The following CASZ1 variants were observed in gnomAD, a reference collection of about 807,000 sequenced individuals.
CASZ1 encodes the protein zinc finger protein castor homolog 1.
In CASZ1, 28 loss-of-function variants were observed where a neutral mutation model predicts 135.2. The ratio of observed to expected loss-of-function variants is 0.21; its 90% confidence interval spans 0.15 to 0.28. The LOEUF is 0.28. CASZ1 is among the 10% of genes least tolerant of loss of function. The probability of loss-of-function intolerance (pLI) is 1.00; values close to 1 mark genes in which losing one functional copy is unlikely to be tolerated. For synonymous variants in CASZ1, 1,068 were observed against 1,073.4 expected, an observed-to-expected ratio of 0.99 and a Z score of 0.10; for missense variants, 2,161 against 2,453.3, an observed-to-expected ratio of 0.88 and a Z score of 2.52.
intron 7 of CASZ1, 59 bp downstream of exon 7, chr1:10,658,449 C>A: frequency 7.0e-7 from 1 of 1,422,324 alleles, no homozygotes; most frequent in Non-Finnish European, 9.9e-7. Context: ...CCTCAGAGTG[C>A]CCGGTCAGTC....
chr1:10,645,229 CAT>C (rs1557458816), intron 17 of CASZ1, 141 bp from the exon 18 acceptor site: 1 of 765,970 alleles, frequency 1.3e-6, no homozygotes, highest in Non-Finnish European at 2.1e-6. Flanking sequence ...ACACCTTTCA[CAT>C]GTTAAAAAGC....
intron 2 of CASZ1, among the ~76,000 whole-genome samples, chr1:10,716,634 C>T (rs1024164533): frequency 6.6e-5 from 10 of 152,122 alleles, no homozygotes; most frequent in Non-Finnish European, 1.2e-4. Context: ...GAAGAACAGG[C>T]GGAAGTGGCA....
chr1:10,662,062 AAC>A (rs142574459), intron 5 of CASZ1, among the ~76,000 whole-genome samples: 1 of 150,890 alleles, frequency 6.6e-6, no homozygotes, highest in South Asian at 2.1e-4. Flanking sequence ...AATCACCTAT[AAC>A]ACACACGCAT....
At chr1:10,714,399 A>T (rs1006339770) in intron 2 of CASZ1, among the ~76,000 whole-genome samples, 21 of 152,234 alleles carry the variant, frequency 1.4e-4, no homozygotes, top group Admixed American at 8.5e-4. Context: ...CACAGCTAGG[A>T]TGAGGCACAG....
chr1:10,762,657 G>A lies in CASZ1; in HGVS notation c.-233-1800C>T, dbSNP rs564768398. On this transcript the variant is annotated intron_variant, in intron 1 of 20. Transcript: ENST00000377022. The surrounding 1 kb of genome is among the most constrained non-coding windows in gnomAD (Gnocchi z 4.1). ...CTCCACTCCAATATCCCATCAGAACGAACCCACCTAAAAGCCAGCATCTTA... is the reference window on the plus strand; with the variant it reads ...CTCCACTCCAATATCCCATCAGAACAAACCCACCTAAAAGCCAGCATCTTA... Among the ~76,000 whole-genome samples, 2 of 152,104 alleles carry A rather than the reference G, an allele frequency of 1.3e-5. No homozygotes were observed. The highest frequency in any genetic ancestry group is 4.8e-5 in the African/African-American group (2 of 41,428).
At chr1:10,682,085 G>A (rs1638442010) in intron 4 of CASZ1, among the ~76,000 whole-genome samples, 1 of 152,212 alleles carries the variant, frequency 6.6e-6, no homozygotes, top group East Asian at 1.9e-4. Context: ...TTGAAAAAAA[G>A]ATGGGGGAAA....
chr1:10,756,136 C>T lies in CASZ1; in HGVS notation c.-77+4565G>A, dbSNP rs77674854. Among the ~76,000 whole-genome samples, 3,033 of 152,190 alleles carry T rather than the reference C, an allele frequency of 0.02. 104 individuals are homozygous for T. Among genetic ancestry groups the T allele is most frequent in the African/African-American group, 0.07 (2,912 of 41,492 alleles). ...CACGCCCCTCGGAGCCAGGCAGAGG[C>T]ACCAGCTGTAGGCCTGGGAGAGCCC... On this transcript the variant is annotated intron_variant, in intron 2 of 20. Transcript: ENST00000377022. The surrounding 1 kb of genome is among the most constrained non-coding windows in gnomAD (Gnocchi z 5.9).
rs996618611 is a variant in CASZ1, at chr1:10,776,529, G to A, written c.-233-15672C>T. On this transcript the variant is annotated intron_variant, in intron 1 of 20. Transcript: ENST00000377022. This position sits in a 1 kb window ranked among gnomAD's most constrained non-coding sequence, Gnocchi z 4.1. Reference sequence around the variant, plus strand: ...AGTTCACACCAGAGGGCTCTGACACGAGACACATCCAGACAGGCAGTGATC... The same window carrying A: ...AGTTCACACCAGAGGGCTCTGACACAAGACACATCCAGACAGGCAGTGATC... Among the ~76,000 whole-genome samples the A allele has an allele frequency of 2.2e-4, 34 of 152,230 alleles. No homozygotes were observed. The highest frequency in any genetic ancestry group is 6.5e-5 in the Admixed American group (1 of 15,290).
intron 3 of CASZ1, among the ~76,000 whole-genome samples, chr1:10,703,442 C>T (rs1639105402): frequency 6.6e-6 from 1 of 152,108 alleles, no homozygotes; most frequent in East Asian, 1.9e-4. Flanking sequence ...CAGCAGCTCC[C>T]GATAACTCAA....
At chr1:10,733,221 C>T (rs1160594862) in intron 2 of CASZ1, among the ~76,000 whole-genome samples, 1 of 152,208 alleles carries the variant, frequency 6.6e-6, no homozygotes, top group Non-Finnish European at 1.5e-5. Flanking sequence ...TGTGTGTTTT[C>T]ATTTCACACC....
In CASZ1 at chr1:10,653,066, G is replaced by A. The variant is rs923197447; in HGVS notation, c.2680+311C>T. 1.4e-5 allele frequency: 6 copies of A among 419,914 alleles called. No individual in the cohort carries two copies. In the Admixed American group the frequency reaches 2.2e-4, roughly 16 times the overall value. 26.0% of individuals were successfully genotyped at this position (419,914 alleles called of 1,614,324 possible). On this transcript the variant is annotated intron_variant, in intron 11 of 20. Coordinates refer to ENST00000377022, the MANE Select transcript of CASZ1 (RefSeq NM_001079843.3). ...GTGGACTTGGGATGTGGGAGGGTGA[G>A]CAGACAGGGAGGGGGGACCTGCAGT...
intron 2 of CASZ1, among the ~76,000 whole-genome samples, chr1:10,743,563 C>T (rs1475778786): frequency 2.0e-5 from 3 of 150,102 alleles, no homozygotes; most frequent in Non-Finnish European, 2.9e-5. Context: ...CAGAGTTGAG[C>T]CATTTCAATT....
intron 4 of CASZ1, among the ~76,000 whole-genome samples, chr1:10,692,857 C>A (rs1412395182): frequency 6.6e-6 from 1 of 152,200 alleles, no homozygotes; most frequent in Non-Finnish European, 1.5e-5. Flanking sequence ...TCACCTATCC[C>A]ATCAATGAAC....
intron 4 of CASZ1, among the ~76,000 whole-genome samples, chr1:10,668,155 G>C (rs1023305983): frequency 1.7e-4 from 26 of 152,282 alleles, no homozygotes; most frequent in Non-Finnish European, 2.9e-4. Context: ...CGCGTGTGAG[G>C]CTGGGCGGCG....
At position 10,638,752 on chromosome 1, in the gene CASZ1, A is replaced by G. The variant is rs1642081039; in HGVS notation, c.*190T>C. 2 of 414,154 alleles carry G rather than the reference A, an allele frequency of 4.8e-6. No homozygotes were observed. The highest frequency in any genetic ancestry group is 1.6e-4 in the East Asian group (1 of 6,252). The allele number at this position is 414,154 out of a possible 1,614,324, so 25.7% of individuals were successfully genotyped here. The stretch of plus-strand genomic sequence containing the variant: ...TGAAGAGACCCGGCCTCCCTAGAGC[A>G]GGGCCACCGCCGCCGCCTGTGTCCT... On this transcript the variant is annotated 3_prime_UTR_variant, in exon 21 of 21. Coordinates refer to ENST00000377022, the MANE Select transcript of CASZ1 (RefSeq NM_001079843.3). This position sits in a 1 kb window ranked among gnomAD's most constrained non-coding sequence, Gnocchi z 5.9.
chr1:10,783,920 A>G, intron 1 of CASZ1, among the ~76,000 whole-genome samples: 1 of 151,418 alleles, frequency 6.6e-6, no homozygotes, highest in Non-Finnish European at 1.5e-5. Context: ...TCAAGATAAC[A>G]ATGGTGGTCC....
intron 2 of CASZ1, among the ~76,000 whole-genome samples, chr1:10,746,551 G>T (rs757045673): frequency 7.9e-5 from 12 of 152,142 alleles, no homozygotes; most frequent in Non-Finnish European, 1.6e-4. Flanking sequence ...CCCCTTGCCT[G>T]GGTCTGGCAT....
chr1:10,670,016 C>T (rs903851793), intron 4 of CASZ1, among the ~76,000 whole-genome samples: 1 of 152,210 alleles, frequency 6.6e-6, no homozygotes, highest in African/African-American at 2.4e-5. Flanking sequence ...TGCAGTATCC[C>T]CTTTGGGCGG....
rs1570486853 is a variant in CASZ1, at chr1:10,693,724, C to CCCGAGG, written c.16+144_16+149dup. On this transcript the variant is annotated intron_variant, in intron 4 of 20. Coordinates refer to ENST00000377022, the MANE Select transcript of CASZ1 (RefSeq NM_001079843.3). ...AACAACAGCCTCAGAAGTCGCCGAT[C>CCCGAGG]CCGAGGCCGGGACGCCGGGAGGCAG... The CCCGAGG allele has an allele frequency of 1.8e-5, 14 of 764,608 alleles. No individual in the cohort carries two copies. The East Asian group carries it at 3.4e-4, about 18-fold the overall frequency. The allele number at this position is 764,608 out of a possible 1,614,324, so 47.4% of individuals were successfully genotyped here.
Sources: allele counts gnomAD v4.1 joint callset (sites outside exome capture counted in the v4.1 genomes callset), GRCh38; gene constraint gnomAD v4.1.1; non-coding constraint Gnocchi (gnomAD v3.1); transcripts MANE v1.5; gene names NCBI Gene and HGNC (gene_info 2026-07-23, HGNC 2026-07-21).